Variants in CXorf58 observed in about 807,000 individuals in gnomAD.
CXorf58 encodes uncharacterized protein CXorf58.
A neutral mutation model predicts 26.0 loss-of-function variants in CXorf58; 24 were observed. The ratio of observed to expected loss-of-function variants is 0.92; its 90% confidence interval spans 0.67 to 1.30. The LOEUF (loss-of-function observed/expected upper bound fraction) is 1.30, where lower values mean the gene tolerates loss of function less well. Among genes scored for constraint, CXorf58 ranks in the 50% most tolerant of loss-of-function variants. The probability of loss-of-function intolerance (pLI) is 0.00; values close to 1 mark genes in which losing one functional copy is unlikely to be tolerated. For synonymous variants in CXorf58, 87 were observed against 86.1 expected (o/e 1.01, Z -0.06); for missense variants, 236 against 263.9 (o/e 0.89, Z 0.73).
At chrX:23,919,067 G>T (rs1289300174) in intron 5 of CXorf58, among the ~76,000 whole-genome samples, 2 of 111,415 alleles carry the variant, frequency 1.8e-5, no homozygotes, top group Non-Finnish European at 3.8e-5. Context: ...GGTTAAATCT[G>T]CTTGGTGTTC....
In CXorf58 at chrX:23,911,793, G is replaced by T; in HGVS notation, c.153G>T (p.Arg51Ser). ...LKDISAQIIQ[R>S]AWLSHTNKMI... ...ACATTTCAGCTCAAATAATACAGAGGGCTTGGTTATCTCATACAAACAAAA... is the reference window on the plus strand; with the variant it reads ...ACATTTCAGCTCAAATAATACAGAGTGCTTGGTTATCTCATACAAACAAAA... The change falls in exon 3 of 9, where the codon AGG (arginine) becomes AGT (serine). Residue 51 changes from arginine to serine, a missense_variant. Arg to Ser is a moderately radical substitution (Grantham distance 110). Coordinates refer to ENST00000379211, the MANE Select transcript of CXorf58 (RefSeq NM_152761.3). 1 of 1,200,715 alleles carries T rather than the reference G, an allele frequency of 8.3e-7. No individual in the cohort carries two copies. The highest frequency in any genetic ancestry group is 1.1e-6 in the Non-Finnish European group (1 of 888,279).
intron 6 of CXorf58, among the ~76,000 whole-genome samples, chrX:23,929,405 C>CA (rs1169185534): frequency 0.16 from 5,752 of 35,959 alleles, 768 homozygotes; most frequent in African/African-American, 0.41. Flanking sequence ...GACTGTGTCT[C>CA]AAAAAAAAAA....
intron 5 of CXorf58, among the ~76,000 whole-genome samples, chrX:23,923,196 C>A (rs996171651): frequency 9.0e-6 from 1 of 111,706 alleles, no homozygotes; most frequent in East Asian, 2.8e-4. Flanking sequence ...ATTTCTCAAA[C>A]CCCTCTCACA....
rs549887972 is a variant in CXorf58 at position 23,938,010 on chromosome X, C to T, written c.786-537C>T. Among the ~76,000 whole-genome samples, 6 of 108,606 alleles carry T rather than the reference C, an allele frequency of 5.5e-5. No homozygotes were observed. The South Asian group carries it at 2.4e-3, about 44-fold the overall frequency. The allele number at this position is 108,606 out of a possible 115,157, so 94.3% of individuals were successfully genotyped here. A position where few individuals can be genotyped will look rare whatever the true frequency, so the allele number is the denominator to read the frequency against. ...AAGCAATTCTCCTGCCTCAGCCTCCCGAGTAGCTGGGATTACAGGCACCCG... is the reference window on the plus strand; with the variant it reads ...AAGCAATTCTCCTGCCTCAGCCTCCTGAGTAGCTGGGATTACAGGCACCCG... On this transcript the variant is annotated intron_variant, in intron 7 of 8. Transcript: ENST00000379211.
At chrX:23,927,424 T>G in intron 6 of CXorf58, 54 bp downstream of exon 6, 1 of 817,814 alleles carries the variant, frequency 1.2e-6, no homozygotes, top group Non-Finnish European at 1.7e-6. Flanking sequence ...TTCCTAACTC[T>G]GTCATCCAAG....
rs200387112 is a variant in CXorf58 at position 23,939,254 on chromosome X, C to T, written c.950C>T (p.Thr317Met). ...KNTSEVTEPK[T>M]GPSGTKDNYH... ...GATAATTCTGCCTAGGAACCAAAAA[C>T]GGGCCCATCAGGTACAAAGGATAAC... is the stretch of plus-strand genomic sequence containing the variant. The change falls in exon 9 of 9, where the codon ACG (threonine) becomes ATG (methionine). Residue 317 changes from threonine to methionine, a missense_variant. Physicochemically the swap from Thr to Met is moderately conservative, Grantham distance 81. Transcript: ENST00000379211. 221 of 1,191,410 alleles carry T rather than the reference C, an allele frequency of 1.9e-4. 2 individuals carry two copies. In the East Asian group the frequency reaches 5.5e-3, roughly 30 times the overall value.
chrX:23,935,113 G>C (rs1046418232), intron 6 of CXorf58, 83 bp from the exon 7 acceptor site: 53 of 686,067 alleles, frequency 7.7e-5, no homozygotes, highest in Non-Finnish European at 1.1e-4. Context: ...TGATCCACCC[G>C]CATCAGCCTC....
In CXorf58 at chrX:23,938,670, G is replaced by A. The variant is rs139269373; in HGVS notation, c.909G>A (p.Leu303=). The change falls in exon 8 of 9, where the codon TTG becomes TTA. Residue 303 remains leucine, a synonymous_variant. Coordinates refer to ENST00000379211, the MANE Select transcript of CXorf58 (RefSeq NM_152761.3). ...TTGAAAAAATGAGAAAAGTTTATTTGGCTAAAGAAAAAAATACTTCTGAGG... is the reference window on the plus strand; with the variant it reads ...TTGAAAAAATGAGAAAAGTTTATTTAGCTAAAGAAAAAAATACTTCTGAGG... ...MKVEKMRKVY[L]AKEKNTSEVT... The A allele has an allele frequency of 5.2e-5, 61 of 1,177,227 alleles. No individual in the cohort carries two copies. Among genetic ancestry groups the A allele is most frequent in the Non-Finnish European group, 6.6e-5 (58 of 877,119 alleles).
chrX:23,929,419 A>AG (rs1569254859), intron 6 of CXorf58, among the ~76,000 whole-genome samples: 1 of 88,175 alleles, frequency 1.1e-5, no homozygotes, highest in African/African-American at 3.6e-5. Flanking sequence ...AAAAAAAAAA[A>AG]AAAGAAAAAG....
intron 6 of CXorf58, among the ~76,000 whole-genome samples, chrX:23,933,275 G>T (rs1484675129): frequency 9.0e-6 from 1 of 111,141 alleles, no homozygotes; most frequent in African/African-American, 3.3e-5. Context: ...GTGTTTGAAA[G>T]CATGAATGTG....
intron 5 of CXorf58, among the ~76,000 whole-genome samples, chrX:23,916,797 G>A (rs974432609): frequency 7.4e-5 from 8 of 108,298 alleles, no homozygotes; most frequent in Non-Finnish European, 1.3e-4. Flanking sequence ...GGTTGAGGCA[G>A]GAGAATCACT....
intron 5 of CXorf58, among the ~76,000 whole-genome samples, chrX:23,924,302 T>TTTA (rs1555969103): frequency 2.0e-5 from 2 of 100,444 alleles, no homozygotes; most frequent in South Asian, 5.0e-4. Flanking sequence ...ACTATCTTTA[T>TTTA]TTTATTTATT....
chrX:23,907,937 A>C, upstream of CXorf58: 2 of 348,144 alleles, frequency 5.7e-6, no homozygotes, highest in South Asian at 7.6e-5. Context: ...GTGAACGCAA[A>C]CCCCGCCCTC....
In CXorf58 at chrX:23,939,225, T is replaced by C. The variant is rs766752725; in HGVS notation, c.940-19T>C. On this transcript the variant is annotated intron_variant, in intron 8 of 8. Coordinates refer to ENST00000379211, the MANE Select transcript of CXorf58 (RefSeq NM_152761.3). ...CCAAATATATAACACTTCCTACTTT[T>C]ATTGATAATTCTGCCTAGGAACCAA... 8.9e-7 allele frequency: 1 copy of C among 1,127,249 alleles called. No individual in the cohort carries two copies. The highest frequency in any genetic ancestry group is 1.8e-5 in the African/African-American group (1 of 55,321). The allele number at this position is 1,127,249 out of a possible 1,213,427, so 92.9% of individuals were successfully genotyped here.
intron 5 of CXorf58, among the ~76,000 whole-genome samples, chrX:23,926,237 G>A (rs951906755): frequency 6.3e-5 from 7 of 111,044 alleles, no homozygotes; most frequent in African/African-American, 2.3e-4. Context: ...CACAGTCTAT[G>A]TATAGCTCTT....
intron 3 of CXorf58, among the ~76,000 whole-genome samples, chrX:23,914,040 A>G (rs1480890441): frequency 8.9e-6 from 1 of 111,893 alleles, no homozygotes; most frequent in Non-Finnish European, 1.9e-5. Flanking sequence ...CTGTTATAGT[A>G]ATACTTTAAT....
chrX:23,926,592 C>CTT (rs1928018161), intron 5 of CXorf58, among the ~76,000 whole-genome samples: 1 of 111,548 alleles, frequency 9.0e-6, no homozygotes, highest in Non-Finnish European at 1.9e-5. Context: ...GCATTGACTG[C>CTT]ACGAATGATA....
Position 23,935,487 on chromosome X carries a change from T to G in CXorf58, c.785+62T>G, listed in dbSNP as rs1928276864. 6 of 824,753 alleles carry G rather than the reference T, an allele frequency of 7.3e-6. No individual in the cohort carries two copies. The African/African-American group carries it at 1.0e-4, about 14-fold the overall frequency. 68.0% of individuals were successfully genotyped at this position (824,753 alleles called of 1,213,427 possible). A position where few individuals can be genotyped will look rare whatever the true frequency, so the allele number is the denominator to read the frequency against. On this transcript the variant is annotated intron_variant, in intron 7 of 8. Transcript: ENST00000379211. ...GGCATATCTGAAAATGTTCACATTC[T>G]GCCAGATAGCTCACTAAAGATAAGA...
chrX:23,929,338 G>A lies in CXorf58; in HGVS notation c.555+1968G>A, dbSNP rs1327244778. On this transcript the variant is annotated intron_variant, in intron 6 of 8. Coordinates refer to ENST00000379211, the MANE Select transcript of CXorf58 (RefSeq NM_152761.3). ...GGAGAATGGCGTGAACCCAGGAGGC[G>A]GAGCTTGCAGTGAGCCGAAATTGCG... Among the ~76,000 whole-genome samples the A allele has an allele frequency of 6.6e-5, 7 of 105,776 alleles. No individual in the cohort carries two copies. In the East Asian group the frequency reaches 8.7e-4, roughly 13 times the overall value. The allele number at this position is 105,776 out of a possible 115,157, so 91.9% of individuals were successfully genotyped here.
Sources: allele counts gnomAD v4.1 joint callset (sites outside exome capture counted in the v4.1 genomes callset), GRCh38; gene constraint gnomAD v4.1.1; transcripts MANE v1.5; gene names NCBI Gene and HGNC (gene_info 2026-07-23, HGNC 2026-07-21).